The following TCAF1 variants were observed in gnomAD, a reference collection of about 807,000 sequenced individuals.
TCAF1 encodes TRPM8 channel-associated factor 1.
In TCAF1, 4 loss-of-function variants were observed where a neutral mutation model predicts 27.3. The observed-to-expected ratio is 0.15, with a 90% CI of 0.07 to 0.34. The LOEUF is 0.34. Among genes scored for constraint, TCAF1 ranks in the 10% least tolerant of loss-of-function variants. The probability of loss-of-function intolerance (pLI) is 1.00; values close to 1 mark genes in which losing one functional copy is unlikely to be tolerated. For missense variants in TCAF1, 257 were observed against 425.8 expected (o/e 0.60, Z 3.49); for synonymous variants, 105 against 167.1 (o/e 0.63, Z 2.87).
At chr7:143,874,831 T>G (rs559684427) in intron 2 of TCAF1, among the ~76,000 whole-genome samples, 1 of 152,210 alleles carries the variant, frequency 6.6e-6, no homozygotes, top group Non-Finnish European at 1.5e-5. Context: ...GATGTTCCTG[T>G]GCCCCTAATT....
intron 1 of TCAF1, among the ~76,000 whole-genome samples, chr7:143,897,811 T>G (rs1287076879): frequency 6.6e-6 from 1 of 152,048 alleles, no homozygotes; most frequent in Non-Finnish European, 1.5e-5. Flanking sequence ...GACCAGATAA[T>G]CCCAATCTTG....
chr7:143,859,056 T>C lies in TCAF1; in HGVS notation c.2273A>G (p.Glu758Gly), dbSNP rs1332246051. Residue 758 changes from glutamate (E) to glycine (G), a missense_variant, in exon 7 of 9, where the codon GAG becomes GGG. Around this residue, in one of 2 missense-constraint regions of TCAF1, gnomAD observed 2 missense variants for 165.7 expected, o/e 0.01. Coordinates refer to ENST00000479870, the MANE Select transcript of TCAF1 (RefSeq NM_014719.3). ...CTGCCGCTGCTGGTTGCGGCCCAGC[T>C]CATGGACGGGGCCCCACAGCCCCTT... The part of the protein sequence containing the change: ...RTKGLWGPVH[E>G]LGRNQQRQEW... The C allele has an allele frequency of 8.8e-7, 1 of 1,131,036 alleles. No individual in the cohort carries two copies. The highest frequency in any genetic ancestry group is 1.3e-6 in the Non-Finnish European group (1 of 745,132). The allele number at this position is 1,131,036 out of a possible 1,614,324, so 70.1% of individuals were successfully genotyped here.
At chr7:143,880,080 G>C (rs1402613017) in intron 1 of TCAF1, among the ~76,000 whole-genome samples, 1 of 152,040 alleles carries the variant, frequency 6.6e-6, no homozygotes, top group African/African-American at 2.4e-5. Context: ...TTTTTGTATG[G>C]GCAAAGATAA....
intron 1 of TCAF1, among the ~76,000 whole-genome samples, chr7:143,901,032 TGGA>T (rs1204077172): frequency 1.3e-5 from 2 of 152,162 alleles, no homozygotes; most frequent in South Asian, 2.1e-4. Flanking sequence ...TCTCAGAGAA[TGGA>T]GGAGAATGGA....
At chr7:143,892,163 G>C (rs996877498) in intron 1 of TCAF1, among the ~76,000 whole-genome samples, 4 of 152,028 alleles carry the variant, frequency 2.6e-5, no homozygotes, top group African/African-American at 9.7e-5. Flanking sequence ...AGAGAACACT[G>C]AAAAGAGTAA....
At chr7:143,885,822 C>G (rs1319543814) in intron 1 of TCAF1, among the ~76,000 whole-genome samples, 1 of 152,076 alleles carries the variant, frequency 6.6e-6, no homozygotes, top group African/African-American at 2.4e-5. Context: ...ACTATTAGAA[C>G]CAGTTACTTC....
chr7:143,851,905 T>C lies in TCAF1; in HGVS notation c.*2228A>G, dbSNP rs1246473077. 6.6e-6 allele frequency: 1 copy of C among 152,194 alleles called. No homozygotes were observed. The highest frequency in any genetic ancestry group is 2.1e-4 in the South Asian group (1 of 4,834). The allele number at this position is 152,194 out of a possible 1,614,324, so 9.4% of individuals were successfully genotyped here. On this transcript the variant is annotated 3_prime_UTR_variant, in exon 9 of 9. Coordinates refer to ENST00000479870, the MANE Select transcript of TCAF1 (RefSeq NM_014719.3). ...CTTTCCCTTTGTCAGCATTAATTAC[T>C]TTCAACTTCAGTTCTGAATAAAAAA... is the stretch of plus-strand genomic sequence containing the variant.
At chr7:143,898,919 C>T (rs990414344) in intron 1 of TCAF1, among the ~76,000 whole-genome samples, 11 of 152,078 alleles carry the variant, frequency 7.2e-5, no homozygotes, top group African/African-American at 1.9e-4. Context: ...TTATAAAAGG[C>T]GGCATTCACC....
chr7:143,851,639 A>G lies in TCAF1; in HGVS notation c.*2494T>C, dbSNP rs1234815150. The G allele has an allele frequency of 2.0e-4, 30 of 152,284 alleles. No individual in the cohort carries two copies. The highest frequency in any genetic ancestry group is 6.7e-4 in the African/African-American group (28 of 41,526). 9.4% of individuals were successfully genotyped at this position (152,284 alleles called of 1,614,324 possible). ...ACATCTTTAATAATTCCCCATTACA[A>G]AAGATAAGGATTTAACTTACACTAT... On this transcript the variant is annotated 3_prime_UTR_variant, in exon 9 of 9. Transcript: ENST00000479870.
In TCAF1 at chr7:143,876,051, G is replaced by A; in HGVS notation, c.558C>T (p.Asn186=). The A allele has an allele frequency of 1.9e-6, 3 of 1,605,606 alleles. No individual in the cohort carries two copies. The highest frequency in any genetic ancestry group is 2.6e-6 in the Non-Finnish European group (3 of 1,175,262). The part of the protein sequence containing the change: ...TSVAGIYFTD[N]KGDTSFFKVS... ...CTTTAAAGAAACTCGTGTCCCCTTT[G>A]TTGTCAGTAAAGTAAATGCCAGCCA... Residue 186 remains asparagine, a synonymous_variant, in exon 2 of 9, where the codon AAC becomes AAT. Coordinates refer to ENST00000479870, the MANE Select transcript of TCAF1 (RefSeq NM_014719.3).
Position 143,875,998 on chromosome 7 carries a change from A to C in TCAF1, c.611T>G (p.Val204Gly). 1 of 1,554,426 alleles carries C rather than the reference A, an allele frequency of 6.4e-7. No homozygotes were observed. The change falls in exon 2 of 9, where the codon GTG (valine) becomes GGG (glycine). Residue 204 changes from valine (V) to glycine (G), a missense_variant. By Grantham distance (109) the Val-to-Gly change is moderately radical (BLOSUM62 -3). Around this residue, in one of 2 missense-constraint regions of TCAF1, gnomAD observed 255 missense variants for 260.1 expected, o/e 0.98. Transcript: ENST00000479870. Reference protein sequence around the residue: ...KVSKKMPKIPVLVSCEDDLSD... With the variant: ...KVSKKMPKIPGLVSCEDDLSD... ...GGGGTAACATACTCACCTAACCAAC[A>C]CTGGGATCTTGGGCATCTTCTTGGA...
intron 6 of TCAF1, among the ~76,000 whole-genome samples, chr7:143,859,942 T>C (rs1206645176): frequency 4.3e-4 from 33 of 75,932 alleles, no homozygotes; most frequent in Middle Eastern, 6.6e-3. Context: ...ATATATATTA[T>C]ATAATATATA....
chr7:143,890,519 A>C (rs1813595368), intron 1 of TCAF1, among the ~76,000 whole-genome samples: 1 of 152,244 alleles, frequency 6.6e-6, no homozygotes, highest in Admixed American at 6.5e-5. Flanking sequence ...CATTGGAAAC[A>C]ATAATAAAAG....
chr7:143,888,654 C>A (rs1160552941), intron 1 of TCAF1, among the ~76,000 whole-genome samples: 1 of 152,282 alleles, frequency 6.6e-6, no homozygotes, highest in South Asian at 2.1e-4. Context: ...TTGAGGTGGT[C>A]CCAATTTGCT....
chr7:143,879,507 T>C (rs928570371), intron 1 of TCAF1, among the ~76,000 whole-genome samples: 9 of 152,194 alleles, frequency 5.9e-5, no homozygotes, highest in African/African-American at 2.2e-4. Flanking sequence ...AAAACAATTT[T>C]ATGGTGCCTA....
intron 1 of TCAF1, among the ~76,000 whole-genome samples, chr7:143,890,586 G>C (rs1487601559): frequency 6.6e-6 from 1 of 152,098 alleles, no homozygotes; most frequent in African/African-American, 2.4e-5. Flanking sequence ...ACATAAACAG[G>C]ACAAAAGGAC....
intron 2 of TCAF1, among the ~76,000 whole-genome samples, chr7:143,869,587 TAA>T: frequency 6.6e-6 from 1 of 151,898 alleles, no homozygotes; most frequent in East Asian, 1.9e-4. Context: ...TTTCTATTTT[TAA>T]AAAGAGTTTA....
chr7:143,876,404 C>T lies in TCAF1; in HGVS notation c.205G>A (p.Val69Met). 3 of 1,613,738 alleles carry T rather than the reference C, an allele frequency of 1.9e-6. No homozygotes were observed. The highest frequency in any genetic ancestry group is 2.5e-6 in the Non-Finnish European group (3 of 1,179,810). The change falls in exon 2 of 9, where the codon GTG becomes ATG. Residue 69 changes from valine to methionine, a missense_variant. Physicochemically the swap from Val to Met is conservative, Grantham distance 21 (BLOSUM62 1). This residue lies in a region of TCAF1 where 255 missense variants were observed against 260.1 expected (regional missense o/e 0.98). Transcript: ENST00000479870. The part of the protein sequence containing the change: ...LVVVSHEDYL[V>M]EAQLTPFLLN... ...AGAAAGGGCGTGAGCTGGGCTTCCA[C>T]CAAGTAGTCCTCATGGGACACGACC...
At chr7:143,901,525 G>C (rs886414451) in intron 1 of TCAF1, among the ~76,000 whole-genome samples, 1 of 152,012 alleles carries the variant, frequency 6.6e-6, no homozygotes, top group Non-Finnish European at 1.5e-5. Flanking sequence ...CCCCTCCCCA[G>C]GTCCCTTCCC....
Sources: allele counts gnomAD v4.1 joint callset (sites outside exome capture counted in the v4.1 genomes callset), GRCh38; gene constraint gnomAD v4.1.1; regional missense constraint gnomAD v4.1.1; transcripts MANE v1.5; gene names NCBI Gene and HGNC (gene_info 2026-07-23, HGNC 2026-07-21).